The following CNTLN variants were observed in gnomAD, a reference collection of about 807,000 sequenced individuals.
CNTLN encodes centlein, centrosomal protein.
A neutral mutation model predicts 180.0 loss-of-function variants in CNTLN; 212 were observed. The ratio of observed to expected loss-of-function variants is 1.18; its 90% CI spans 1.05 to 1.32. The LOEUF is 1.32. CNTLN is among the 40% of genes most tolerant of loss of function. CNTLN has a pLI of 0.00. For missense variants in CNTLN, 2,095 were observed against 1,610.9 expected (o/e 1.30, Z -5.14); for synonymous variants, 722 against 563.1 (o/e 1.28, Z -3.99).
At chr9:17,226,075 T>C (rs1824446009) in intron 2 of CNTLN, 128 bp from the exon 3 acceptor site, 1 of 468,184 alleles carries the variant, frequency 2.1e-6, no homozygotes, top group East Asian at 3.7e-5. Flanking sequence ...TTGCTGTCAC[T>C]TGCCATGTGG....
At chr9:17,150,605 C>G (rs1270567816) in intron 2 of CNTLN, among the ~76,000 whole-genome samples, 1 of 152,132 alleles carries the variant, frequency 6.6e-6, no homozygotes, top group African/African-American at 2.4e-5. Flanking sequence ...CTTTGTCCTT[C>G]TTGCCCAGGA....
chr9:17,302,483 G>A (rs182244452), intron 7 of CNTLN, among the ~76,000 whole-genome samples: 1 of 152,256 alleles, frequency 6.6e-6, no homozygotes, highest in East Asian at 1.9e-4. Flanking sequence ...ATAGGTGTGA[G>A]CCACTGTGCC....
Position 17,487,228 on chromosome 9 carries a change from G to C in CNTLN, c.4119+162G>C, listed in dbSNP as rs374082611. On this transcript the variant is annotated intron_variant, in intron 25 of 25. Transcript: ENST00000380647. ...AGAAAGGAAAGTTAACCCTCTATTTGTACTTTGGGACTTAACAAATGAAAC... is the reference window on the plus strand; with the variant it reads ...AGAAAGGAAAGTTAACCCTCTATTTCTACTTTGGGACTTAACAAATGAAAC... 81 of 627,394 alleles carry C rather than the reference G, an allele frequency of 1.3e-4. No individual in the cohort carries two copies. In the African/African-American group the frequency reaches 1.4e-3, roughly 11 times the overall value. The allele number at this position is 627,394 out of a possible 1,614,324, so 38.9% of individuals were successfully genotyped here.
rs943154662 is a variant in CNTLN at position 17,457,445 on chromosome 9, T to A, written c.3115-79T>A. On this transcript the variant is annotated intron_variant, in intron 18 of 25. Coordinates refer to ENST00000380647, the MANE Select transcript of CNTLN (RefSeq NM_017738.4). ...CTTTAATATTTTCCTAGCTGTAGAATTTTATGCTGATAATTGTTAGATTAA... is the reference window on the plus strand; with the variant it reads ...CTTTAATATTTTCCTAGCTGTAGAAATTTATGCTGATAATTGTTAGATTAA... 4 of 791,982 alleles carry A rather than the reference T, an allele frequency of 5.1e-6. No individual in the cohort carries two copies. In the Admixed American group the frequency reaches 1.2e-4, roughly 24 times the overall value. The allele number at this position is 791,982 out of a possible 1,614,324, so 49.1% of individuals were successfully genotyped here.
chr9:17,450,750 T>C (rs2134112540), intron 18 of CNTLN, among the ~76,000 whole-genome samples: 1 of 152,262 alleles, frequency 6.6e-6, no homozygotes, highest in Non-Finnish European at 1.5e-5. Flanking sequence ...AAATAGTATA[T>C]AAATGAGTGA....
intron 11 of CNTLN, among the ~76,000 whole-genome samples, chr9:17,341,294 C>G (rs1429981950): frequency 6.6e-6 from 1 of 152,122 alleles, no homozygotes; most frequent in African/African-American, 2.4e-5. Context: ...AAATAAAATA[C>G]TGGTGTTAAA....
rs140171668 is a variant in CNTLN, at chr9:17,262,091, C to A, written c.850-11642C>A. 7.3e-5 allele frequency among the ~76,000 whole-genome samples: 11 copies of A among 151,466 alleles called. No individual in the cohort carries two copies. In the East Asian group the frequency reaches 2.1e-3, roughly 29 times the overall value. ...TAGGAAACAACAGATGCTGGCAGTG[C>A]TATGGAGAAATAGAAACACTTTTAC... On this transcript the variant is annotated intron_variant, in intron 5 of 25. Transcript: ENST00000380647.
intron 12 of CNTLN, among the ~76,000 whole-genome samples, chr9:17,357,284 G>A (rs1253953632): frequency 6.6e-6 from 1 of 151,600 alleles, no homozygotes; most frequent in African/African-American, 2.4e-5. Context: ...CCATGTTCCA[G>A]CTTTTATATT....
intron 2 of CNTLN, among the ~76,000 whole-genome samples, chr9:17,150,070 A>G (rs1404836330): frequency 1.3e-5 from 2 of 152,096 alleles, no homozygotes; most frequent in African/African-American, 4.8e-5. Context: ...AGATGGATAG[A>G]TTGCAAAAAT....
At chr9:17,312,367 T>TATATA (rs1819228948) in intron 8 of CNTLN, among the ~76,000 whole-genome samples, 1 of 10,958 alleles carries the variant, frequency 9.1e-5, no homozygotes, top group African/African-American at 2.0e-4. Flanking sequence ...ATATATATTA[T>TATATA]ATATATATAT....
intron 2 of CNTLN, among the ~76,000 whole-genome samples, chr9:17,172,351 T>G (rs1727851343): frequency 6.6e-6 from 1 of 152,140 alleles, no homozygotes; most frequent in East Asian, 1.9e-4. Context: ...CTGATACTGA[T>G]TTTCCTACAC....
intron 25 of CNTLN, among the ~76,000 whole-genome samples, chr9:17,492,965 A>T (rs1176416059): frequency 6.6e-6 from 1 of 152,224 alleles, no homozygotes; most frequent in Non-Finnish European, 1.5e-5. Flanking sequence ...CATTATGCTA[A>T]GTGAAATAAG....
chr9:17,461,928 C>T (rs903589370), intron 19 of CNTLN, among the ~76,000 whole-genome samples: 4 of 151,708 alleles, frequency 2.6e-5, no homozygotes, highest in African/African-American at 7.3e-5. Context: ...CTAGTTACCA[C>T]CTCTGGTTCC....
At chr9:17,487,207 A>G in intron 25 of CNTLN, 141 bp downstream of exon 25, 1 of 669,762 alleles carries the variant, frequency 1.5e-6, no homozygotes, top group Non-Finnish European at 2.7e-6. Flanking sequence ...ATAGGTAGAA[A>G]GGAAAGTTAA....
intron 18 of CNTLN, among the ~76,000 whole-genome samples, chr9:17,430,603 G>C (rs1225608039): frequency 3.3e-5 from 5 of 151,752 alleles, no homozygotes; most frequent in Non-Finnish European, 7.4e-5. Context: ...ATAAATTATT[G>C]CTAACTGTAG....
chr9:17,396,348 C>A (rs1389503340), intron 15 of CNTLN, among the ~76,000 whole-genome samples: 1 of 152,154 alleles, frequency 6.6e-6, no homozygotes, highest in Non-Finnish European at 1.5e-5. Flanking sequence ...TGGATCAGGA[C>A]CCTTTCTTGT....
At chr9:17,428,711 T>G (rs1418712750) in intron 18 of CNTLN, among the ~76,000 whole-genome samples, 2 of 152,098 alleles carry the variant, frequency 1.3e-5, no homozygotes, top group Admixed American at 6.5e-5. Context: ...TAGTATGTTT[T>G]AGATCTTTTG....
At chr9:17,325,316 A>G (rs1004347390) in intron 8 of CNTLN, among the ~76,000 whole-genome samples, 2 of 151,596 alleles carry the variant, frequency 1.3e-5, no homozygotes, top group East Asian at 1.9e-4. Context: ...AATTTTAAAT[A>G]TAAAGTTAAT....
chr9:17,484,624 T>C, intron 24 of CNTLN, 144 bp downstream of exon 24: 2 of 634,552 alleles, frequency 3.2e-6, no homozygotes, highest in Non-Finnish European at 2.5e-6. Context: ...CAATGAAAGA[T>C]ACACATCAAG....
Sources: gnomAD v4.1 joint callset for allele counts (sites outside exome capture counted in the v4.1 genomes callset) on GRCh38, gnomAD v4.1.1 for gene constraint, MANE v1.5 for transcripts, NCBI Gene and HGNC (gene_info 2026-07-23, HGNC 2026-07-21) for gene names.